Variants in UGT1A5 observed in about 807,000 individuals in gnomAD.
The protein encoded by UGT1A5 is UDP-glucuronosyltransferase 1A5.
In UGT1A5, 29 loss-of-function variants were observed where a neutral mutation model predicts 40.3. That is an observed-to-expected ratio of 0.72 (90% CI 0.54 to 0.98). The LOEUF (loss-of-function observed/expected upper bound fraction) is 0.98. Ranked by LOEUF, UGT1A5 falls within the 50% of genes least tolerant of loss-of-function variation. The probability of loss-of-function intolerance (pLI) is 0.00; values close to 1 mark genes in which losing one functional copy is unlikely to be tolerated. For missense variants in UGT1A5, 678 were observed against 677.9 expected, an observed-to-expected ratio of 1.00 and a Z score of 0.00; for synonymous variants, 257 against 262.5, an observed-to-expected ratio of 0.98 and a Z score of 0.20.
intron 1 of UGT1A5, chr2:233,717,994 C>T (rs1405290169): frequency 4.7e-6 from 2 of 423,448 alleles, no homozygotes; most frequent in Non-Finnish European, 4.8e-6. Context: ...TCAGACTGTG[C>T]AAGATCTGAG....
rs921224887 is a variant in UGT1A5, at chr2:233,769,400, T to A, written c.1307+961T>A. ...TCCGACAATAGATACTGTGTGCATA[T>A]GTGCGTGTGCGTTTGTGCATGTGGC... On this transcript the variant is annotated intron_variant, in intron 4 of 4. Coordinates refer to ENST00000373414, the MANE Select transcript of UGT1A5 (RefSeq NM_019078.2). The surrounding 1 kb of genome is among the most constrained non-coding windows in gnomAD (Gnocchi z 4.4). 3.4e-6 allele frequency: 4 copies of A among 1,182,114 alleles called. No homozygotes were observed. Among genetic ancestry groups the A allele is most frequent in the Non-Finnish European group, 4.9e-6 (4 of 819,978 alleles). The allele number at this position is 1,182,114 out of a possible 1,614,324, so 73.2% of individuals were successfully genotyped here. A position where few individuals can be genotyped will look rare whatever the true frequency, so the allele number is the denominator to read the frequency against.
intron 1 of UGT1A5, among the ~76,000 whole-genome samples, chr2:233,716,580 T>G (rs997790116): frequency 6.6e-6 from 1 of 152,228 alleles, no homozygotes; most frequent in Non-Finnish European, 1.5e-5. Flanking sequence ...AACAATACTT[T>G]CAAAGAGCAA....
chr2:233,767,244 T>A, intron 2 of UGT1A5, 79 bp downstream of exon 2: 13 of 1,606,204 alleles, frequency 8.1e-6, no homozygotes, highest in Non-Finnish European at 1.1e-5. Context: ...CCAGATTAAT[T>A]CTCTTAATTG....
At chr2:233,716,575 T>A (rs760406565) in intron 1 of UGT1A5, among the ~76,000 whole-genome samples, 1 of 152,244 alleles carries the variant, frequency 6.6e-6, no homozygotes, top group Non-Finnish European at 1.5e-5. Flanking sequence ...TTAAAAACAA[T>A]ACTTTCAAAG....
chr2:233,736,374 G>A lies in UGT1A5; in HGVS notation c.867+22516G>A, dbSNP rs183988627. On this transcript the variant is annotated intron_variant, in intron 1 of 4. Coordinates refer to ENST00000373414, the MANE Select transcript of UGT1A5 (RefSeq NM_019078.2). ...TTTCAGCTCCATCAGGTCATTTAAG[G>A]TCTTCTCTACAGTGTTTATTCTAGT... Among the ~76,000 whole-genome samples the A allele has an allele frequency of 2.8e-3, 425 of 152,220 alleles. 22 individuals carry two copies. The South Asian group carries it at 0.086, about 31-fold the overall frequency.
At chr2:233,754,443 A>G (rs925752742) in intron 1 of UGT1A5, 4 of 350,446 alleles carry the variant, frequency 1.1e-5, no homozygotes, top group Admixed American at 3.9e-5. Context: ...GTGTTTATAA[A>G]TTCTTGGGTA....
At chr2:233,729,252 CA>C (rs761976281) in intron 1 of UGT1A5, 199 of 1,614,124 alleles carry the variant, frequency 1.2e-4, no homozygotes, top group Non-Finnish European at 1.6e-4. Context: ...GCCACTGGCT[CA>C]GCATGCGGGA....
rs61729911 is a variant in UGT1A5 at position 233,743,597 on chromosome 2, T to C, written c.868-23437T>C. 389 of 1,367,326 alleles carry C rather than the reference T, an allele frequency of 2.8e-4. 8 individuals carry two copies. The African/African-American group carries it at 4.3e-3, about 15-fold the overall frequency. 84.7% of individuals were successfully genotyped at this position (1,367,326 alleles called of 1,614,324 possible). A position where few individuals can be genotyped will look rare whatever the true frequency, so the allele number is the denominator to read the frequency against. On this transcript the variant is annotated intron_variant, in intron 1 of 4. Transcript: ENST00000373414. Reference sequence around the variant, plus strand: ...CAAGAGGTCAAAGGAGAATGGGTCCTGGCCGCCGAAGAACTCCCTGAAGAC... The same window carrying C: ...CAAGAGGTCAAAGGAGAATGGGTCCCGGCCGCCGAAGAACTCCCTGAAGAC...
At chr2:233,730,201 G>A (rs1312808089) in intron 1 of UGT1A5, among the ~76,000 whole-genome samples, 2 of 152,190 alleles carry the variant, frequency 1.3e-5, no homozygotes, top group Non-Finnish European at 2.9e-5. Context: ...AGAGGAAGAG[G>A]AAGTAGACAC....
intron 1 of UGT1A5, chr2:233,754,567 T>C (rs1377287717): frequency 5.0e-6 from 2 of 402,366 alleles, no homozygotes; most frequent in African/African-American, 4.2e-5. Flanking sequence ...GGGGAGCAAC[T>C]GCTCTATGCC....
chr2:233,747,386 G>C, intron 1 of UGT1A5: 1 of 1,605,212 alleles, frequency 6.2e-7, no homozygotes, highest in Middle Eastern at 1.7e-4. Context: ...GCCACCAGGC[G>C]GTGGTCCTCA....
At chr2:233,735,346 T>A (rs559111340) in intron 1 of UGT1A5, among the ~76,000 whole-genome samples, 5 of 152,212 alleles carry the variant, frequency 3.3e-5, no homozygotes, top group African/African-American at 1.2e-4. Context: ...GCTTTTTTTT[T>A]GCTTTCCATT....
chr2:233,722,730 C>T (rs1168734354), intron 1 of UGT1A5, among the ~76,000 whole-genome samples: 1 of 151,932 alleles, frequency 6.6e-6, no homozygotes, highest in Non-Finnish European at 1.5e-5. Flanking sequence ...TTAAATTTCT[C>T]CTTTGATGCA....
intron 1 of UGT1A5, chr2:233,743,649 C>A (rs754713764): frequency 5.1e-6 from 7 of 1,367,168 alleles, no homozygotes; most frequent in Admixed American, 1.9e-5. Context: ...AAGCTGAAGA[C>A]GTACTCGAAG....
intron 1 of UGT1A5, among the ~76,000 whole-genome samples, chr2:233,733,461 T>C (rs1181074493): frequency 2.0e-5 from 3 of 152,224 alleles, no homozygotes. Flanking sequence ...TAAATAGCTC[T>C]TATTATTTTG....
intron 1 of UGT1A5, among the ~76,000 whole-genome samples, chr2:233,735,346 T>C (rs559111340): frequency 6.6e-6 from 1 of 152,212 alleles, no homozygotes; most frequent in Non-Finnish European, 1.5e-5. Flanking sequence ...GCTTTTTTTT[T>C]GCTTTCCATT....
intron 1 of UGT1A5, among the ~76,000 whole-genome samples, chr2:233,716,770 G>A (rs1477452949): frequency 1.3e-5 from 2 of 152,158 alleles, no homozygotes; most frequent in African/African-American, 2.4e-5. Context: ...GATCACTCAG[G>A]TCAGGCTTTC....
chr2:233,763,358 T>G (rs1698289277), intron 1 of UGT1A5, among the ~76,000 whole-genome samples: 1 of 152,246 alleles, frequency 6.6e-6, no homozygotes, highest in Admixed American at 6.5e-5. Context: ...TCTTTAGTAC[T>G]CCTTTGTCTT....
At chr2:233,740,156 C>A (rs578012287) in intron 1 of UGT1A5, among the ~76,000 whole-genome samples, 33 of 151,986 alleles carry the variant, frequency 2.2e-4, no homozygotes, top group Non-Finnish European at 3.7e-4. Flanking sequence ...GAGGCCTCCC[C>A]AGTCATGTGG....
Sources: gnomAD v4.1 joint callset for allele counts (sites outside exome capture counted in the v4.1 genomes callset) on GRCh38, gnomAD v4.1.1 for gene constraint, Gnocchi (gnomAD v3.1) non-coding constraint, MANE v1.5 for transcripts, NCBI Gene and HGNC (gene_info 2026-07-23, HGNC 2026-07-21) for gene names.